SDR42E2: variants seen among roughly 807,000 people sequenced by gnomAD.
SDR42E2 encodes short chain dehydrogenase/reductase family 42E, member 2, also known as putative short-chain dehydrogenase/reductase family 42E member 2.
In SDR42E2, 20 loss-of-function variants were observed where a neutral mutation model predicts 10.5. The ratio of observed to expected loss-of-function variants is 1.90; its 90% CI spans 1.34 to 2.77. The LOEUF is 2.77. Among genes scored for constraint, SDR42E2 ranks in the 30% most tolerant of loss-of-function variants. The pLI is 0.00. For missense variants in SDR42E2, 162 were observed against 104.2 expected (o/e 1.55, Z -2.42); for synonymous variants, 72 against 39.2 (o/e 1.84, Z -3.12).
At position 22,165,621 on chromosome 16, in the gene SDR42E2, C is replaced by T; in HGVS notation, c.39C>T (p.Cys13=). ...SNPPRSSLEA[C]KAAGQAPQQK... Reference sequence around the variant, plus strand: ...CCCCACGCTCCTCCCTAGAGGCCTGCAAAGCTGCAGGCCAGGGTGAGAAGA... The same window carrying T: ...CCCCACGCTCCTCCCTAGAGGCCTGTAAAGCTGCAGGCCAGGGTGAGAAGA... The change falls in exon 2 of 13, where the codon TGC becomes TGT. Residue 13 remains cysteine (C), a synonymous_variant. Coordinates refer to ENST00000602312, the MANE Select transcript of SDR42E2 (RefSeq NM_001394319.2). 2.5e-6 allele frequency: 1 copy of T among 401,556 alleles called. No homozygotes were observed. Among genetic ancestry groups the T allele is most frequent in the Non-Finnish European group, 4.4e-6 (1 of 226,488 alleles). The allele number at this position is 401,556 out of a possible 1,614,324, so 24.9% of individuals were successfully genotyped here. A position where few individuals can be genotyped will look rare whatever the true frequency, so the allele number is the denominator to read the frequency against.
At position 22,181,614 on chromosome 16, in the gene SDR42E2, G is replaced by A; in HGVS notation, c.768G>A (p.Val256=). Residue 256 remains valine, a synonymous_variant, in exon 9 of 13, where the codon GTG becomes GTA. Coordinates refer to ENST00000602312, the MANE Select transcript of SDR42E2 (RefSeq NM_001394319.2). ...VHVHNLVQAH[V]LAAEALTTAK... ...TACACAATCTGGTGCAGGCACACGT[G>A]CTGGCGGCCGAGGCCCTCACCACGG... is the stretch of plus-strand genomic sequence containing the variant. 2 of 703,050 alleles carry A rather than the reference G, an allele frequency of 2.8e-6. No individual in the cohort carries two copies. Among genetic ancestry groups the A allele is most frequent in the Non-Finnish European group, 5.2e-6 (2 of 385,006 alleles). The allele number at this position is 703,050 out of a possible 1,614,324, so 43.6% of individuals were successfully genotyped here. A position where few individuals can be genotyped will look rare whatever the true frequency, so the allele number is the denominator to read the frequency against.
intron 12 of SDR42E2, 130 bp from the exon 13 acceptor site, chr16:22,190,008 CG>C (rs1384750438): frequency 2.8e-5 from 11 of 399,724 alleles, no homozygotes; most frequent in Middle Eastern, 3.3e-4. Flanking sequence ...ACGCTGCACT[CG>C]GGTCCTTTTA....
intron 12 of SDR42E2, among the ~76,000 whole-genome samples, chr16:22,187,185 C>CTGGT (rs2046742229): frequency 6.6e-6 from 1 of 152,168 alleles, no homozygotes; most frequent in Admixed American, 6.5e-5. Flanking sequence ...ACACAACAGC[C>CTGGT]TGGTGGTCCT....
intron 7 of SDR42E2, among the ~76,000 whole-genome samples, chr16:22,172,717 C>A (rs1471676691): frequency 2.0e-5 from 3 of 152,198 alleles, no homozygotes. Flanking sequence ...AAGGGCCTGG[C>A]AAGGGAGAGG....
At chr16:22,170,582 G>C (rs1029537603) in intron 5 of SDR42E2, among the ~76,000 whole-genome samples, 11 of 152,102 alleles carry the variant, frequency 7.2e-5, no homozygotes, top group Non-Finnish European at 1.6e-4. Context: ...ATAAGGAGCA[G>C]ACCTGGCTCC....
At chr16:22,181,988 G>A (rs191734982) in intron 9 of SDR42E2, among the ~76,000 whole-genome samples, 3 of 152,320 alleles carry the variant, frequency 2.0e-5, no homozygotes, top group Admixed American at 6.5e-5. Context: ...CCATTTCTCA[G>A]ATGAAGAAAC....
intron 12 of SDR42E2, among the ~76,000 whole-genome samples, chr16:22,188,309 G>A (rs2046749316): frequency 6.6e-6 from 1 of 152,162 alleles, no homozygotes; most frequent in Non-Finnish European, 1.5e-5. Context: ...GGGGAGAGTG[G>A]AGAATGGGCC....
At chr16:22,170,428 T>C (rs895734842) in intron 5 of SDR42E2, among the ~76,000 whole-genome samples, 1 of 152,158 alleles carries the variant, frequency 6.6e-6, no homozygotes, top group Non-Finnish European at 1.5e-5. Context: ...CGCAGACCCA[T>C]GTGTGGGCTG....
chr16:22,188,817 A>G (rs1471687390), intron 12 of SDR42E2, among the ~76,000 whole-genome samples: 1 of 151,964 alleles, frequency 6.6e-6, no homozygotes, highest in Non-Finnish European at 1.5e-5. Context: ...TTGACTTTAT[A>G]GCCTTTTATG....
At chr16:22,179,730 T>A (rs1445817505) in intron 8 of SDR42E2, among the ~76,000 whole-genome samples, 1 of 151,604 alleles carries the variant, frequency 6.6e-6, no homozygotes, top group East Asian at 1.9e-4. Flanking sequence ...GGAGAATCGC[T>A]TGAACCTGGG....
intron 7 of SDR42E2, among the ~76,000 whole-genome samples, chr16:22,173,572 AT>A (rs1228929797): frequency 1.3e-5 from 2 of 151,710 alleles, no homozygotes; most frequent in Admixed American, 1.3e-4. Context: ...ATTTTATCTC[AT>A]TTTTTTATGG....
At chr16:22,183,599 C>T (rs1266709521) in intron 10 of SDR42E2, among the ~76,000 whole-genome samples, 1 of 152,212 alleles carries the variant, frequency 6.6e-6, no homozygotes, top group Non-Finnish European at 1.5e-5. Flanking sequence ...CTAAAGGACA[C>T]AGGTTTCCTC....
In SDR42E2 at chr16:22,190,426, C is replaced by G. The variant is rs1400288355; in HGVS notation, c.*33C>G. ...CCGTCCGCCGCCCGCTAGGGTCGGC[C>G]CCGCTGCACCCTCGCCCACGCCCGG... is the stretch of plus-strand genomic sequence containing the variant. On this transcript the variant is annotated 3_prime_UTR_variant, in exon 13 of 13. Transcript: ENST00000602312. The G allele has an allele frequency of 6.0e-5, 24 of 401,166 alleles. No individual in the cohort carries two copies. The highest frequency in any genetic ancestry group is 1.1e-4 in the Non-Finnish European group (24 of 227,438). 24.9% of individuals were successfully genotyped at this position (401,166 alleles called of 1,614,324 possible).
rs558405177 is a variant in SDR42E2 at position 22,183,021 on chromosome 16, T to A, written c.876+744T>A. Among the ~76,000 whole-genome samples the A allele has an allele frequency of 5.9e-5, 9 of 152,106 alleles. No homozygotes were observed. The East Asian group carries it at 7.8e-4, about 13-fold the overall frequency. On this transcript the variant is annotated intron_variant, in intron 10 of 12. Coordinates refer to ENST00000602312, the MANE Select transcript of SDR42E2 (RefSeq NM_001394319.2). ...CCCTATCTCTAAAAATCAATTTTTT[T>A]AAAAAAACACCTCTGGCAACATTGG...
chr16:22,187,830 G>T (rs1297751753), intron 12 of SDR42E2, among the ~76,000 whole-genome samples: 1 of 151,940 alleles, frequency 6.6e-6, no homozygotes, highest in African/African-American at 2.4e-5. Context: ...GGGCACGGTG[G>T]CTCACACTTG....
At chr16:22,182,919 C>T (rs1355135810) in intron 10 of SDR42E2, among the ~76,000 whole-genome samples, 1 of 152,082 alleles carries the variant, frequency 6.6e-6, no homozygotes, top group Non-Finnish European at 1.5e-5. Context: ...GCGGGAGGAT[C>T]TCTTGAGCCC....
chr16:22,182,304 C>G (rs974745417), intron 10 of SDR42E2, 27 bp downstream of exon 10: 2 of 400,930 alleles, frequency 5.0e-6, no homozygotes, highest in African/African-American at 4.1e-5. Context: ...CCACCCACCC[C>G]GAATGATCAT....
At chr16:22,163,557 A>C (rs945345936) in intron 1 of SDR42E2, among the ~76,000 whole-genome samples, 11 of 152,028 alleles carry the variant, frequency 7.2e-5, no homozygotes. Context: ...AAATACAAAA[A>C]TTAACCAGGT....
chr16:22,182,466 C>T (rs1224601547), intron 10 of SDR42E2, among the ~76,000 whole-genome samples, 189 bp downstream of exon 10: 1 of 152,098 alleles, frequency 6.6e-6, no homozygotes, highest in Non-Finnish European at 1.5e-5. Flanking sequence ...CATGCCTCAG[C>T]CTCCCGAGTA....
Sources: gnomAD v4.1 joint callset for allele counts (sites outside exome capture counted in the v4.1 genomes callset) on GRCh38, gnomAD v4.1.1 for gene constraint, MANE v1.5 for transcripts, NCBI Gene and HGNC (gene_info 2026-07-23, HGNC 2026-07-21) for gene names.